The following BLOC1S5 variants were observed in gnomAD, a reference collection of about 807,000 sequenced individuals.
BLOC1S5 encodes biogenesis of lysosome-related organelles complex 1 subunit 5.
A neutral mutation model predicts 24.3 loss-of-function variants in BLOC1S5; 27 were observed. That is an observed-to-expected ratio of 1.11 (90% CI 0.82 to 1.53). The LOEUF (loss-of-function observed/expected upper bound fraction) is 1.53. BLOC1S5 is among the 40% of genes most tolerant of loss of function. The pLI is 0.00. For missense variants in BLOC1S5, 239 were observed against 229.4 expected (o/e 1.04, Z -0.27); for synonymous variants, 84 against 74.5 (o/e 1.13, Z -0.66).
chr6:8,060,594 G>T (rs1290196592), intron 2 of BLOC1S5, among the ~76,000 whole-genome samples: 2 of 152,202 alleles, frequency 1.3e-5, no homozygotes, highest in African/African-American at 2.4e-5. Context: ...GCTGGGTTGG[G>T]ATAGGGGTAG....
chr6:8,051,119 T>C (rs557926525), intron 2 of BLOC1S5, among the ~76,000 whole-genome samples: 9 of 148,034 alleles, frequency 6.1e-5, no homozygotes, highest in Admixed American at 3.4e-4. Flanking sequence ...ACCTGGGAGG[T>C]GGAGGCTGCA....
Position 8,027,324 on chromosome 6 carries a change from T to C in BLOC1S5, c.326-899A>G, listed in dbSNP as rs114937847. The C allele has an allele frequency of 3.5e-3, 1,580 of 456,350 alleles. 20 individuals are homozygous for C. Among genetic ancestry groups the C allele is most frequent in the African/African-American group, 0.027 (1,353 of 50,188 alleles). The allele number at this position is 456,350 out of a possible 1,614,324, so 28.3% of individuals were successfully genotyped here. On this transcript the variant is annotated intron_variant, in intron 3 of 4. Transcript: ENST00000397457. ...CTCGCTCAATTATTCATTTGACAAA[T>C]GTTTACTGAGCATGTGCTTTGTGCC... is the stretch of plus-strand genomic sequence containing the variant.
chr6:8,038,464 C>G (rs1472360802), intron 3 of BLOC1S5, among the ~76,000 whole-genome samples: 2 of 151,970 alleles, frequency 1.3e-5, no homozygotes, highest in East Asian at 1.9e-4. Flanking sequence ...AATAGCATCT[C>G]TAGTTAAAAT....
intron 4 of BLOC1S5, among the ~76,000 whole-genome samples, chr6:8,021,704 T>C (rs1297027475): frequency 6.6e-6 from 1 of 152,176 alleles, no homozygotes; most frequent in Admixed American, 6.5e-5. Context: ...GAAATGTACA[T>C]TTTAAAATGG....
At chr6:8,061,340 C>T (rs888990167) in intron 2 of BLOC1S5, among the ~76,000 whole-genome samples, 2 of 152,066 alleles carry the variant, frequency 1.3e-5, no homozygotes, top group African/African-American at 4.8e-5. Context: ...ATTGTGGGAA[C>T]TTACTGCTTA....
At chr6:8,036,725 G>A (rs1357401820) in intron 3 of BLOC1S5, among the ~76,000 whole-genome samples, 1 of 151,974 alleles carries the variant, frequency 6.6e-6, no homozygotes, top group Non-Finnish European at 1.5e-5. Context: ...AATTAAAAAA[G>A]AGAAAACTAC....
At chr6:8,027,500 T>G (rs779477273) in intron 3 of BLOC1S5, 1 of 451,468 alleles carries the variant, frequency 2.2e-6, no homozygotes, top group African/African-American at 2.0e-5. Flanking sequence ...ATCATTTCAA[T>G]ATTAATAATG....
In BLOC1S5 at chr6:8,064,261, G is replaced by A. The variant is rs200751890; in HGVS notation, c.112+4C>T. 222 of 1,611,362 alleles carry A rather than the reference G, an allele frequency of 1.4e-4. 1 individual carries two copies. In the African/African-American group the frequency reaches 2.6e-3, roughly 19 times the overall value. On this transcript the variant is annotated splice_donor_region_variant and intron_variant, in intron 1 of 4. Coordinates refer to ENST00000397457, the MANE Select transcript of BLOC1S5 (RefSeq NM_201280.3). ...CCAGGAACTATAGCCCTGACACTCC[G>A]TACCCTTGATAATGAGGTGCGCTGA...
rs545031745 is a variant in BLOC1S5, at chr6:8,033,527, A to C, written c.326-7102T>G. Among the ~76,000 whole-genome samples the C allele has an allele frequency of 2.2e-4, 33 of 152,342 alleles. No individual in the cohort carries two copies. In the South Asian group the frequency reaches 6.6e-3, roughly 31 times the overall value. On this transcript the variant is annotated intron_variant, in intron 3 of 4. Transcript: ENST00000397457. ...TTAGACCTAAAACCATAAAAACCCT[A>C]GAAGAAAACCTAGGCAATACCATTC...
chr6:8,016,341 T>G (rs964954006), intron 4 of BLOC1S5, among the ~76,000 whole-genome samples: 3 of 146,886 alleles, frequency 2.0e-5, no homozygotes, highest in Non-Finnish European at 4.5e-5. Context: ...AAAAAAAATT[T>G]TTTTTAAAGC....
chr6:8,026,290 T>G, intron 4 of BLOC1S5, 77 bp downstream of exon 4: 1 of 1,218,430 alleles, frequency 8.2e-7, no homozygotes, highest in Non-Finnish European at 1.2e-6. Flanking sequence ...GAGAATTTTC[T>G]GATCAAAAGC....
chr6:8,030,984 G>A (rs186837667), intron 3 of BLOC1S5, among the ~76,000 whole-genome samples: 62 of 152,108 alleles, frequency 4.1e-4, no homozygotes, highest in Non-Finnish European at 3.5e-4. Context: ...ATACCCTAAG[G>A]TAGTAAAAGC....
At chr6:8,062,260 T>TC (rs1283894158) in intron 2 of BLOC1S5, among the ~76,000 whole-genome samples, 3 of 152,168 alleles carry the variant, frequency 2.0e-5, no homozygotes, top group East Asian at 1.9e-4. Context: ...TCCCTTTTTT[T>TC]CCCCCACTAT....
intron 1 of BLOC1S5, among the ~76,000 whole-genome samples, chr6:8,063,709 A>G (rs143171046): frequency 3.3e-5 from 5 of 152,298 alleles, no homozygotes; most frequent in African/African-American, 9.6e-5. Flanking sequence ...AGTCAAACCT[A>G]AAGCAGATTC....
At chr6:8,040,029 G>A (rs76036397) in intron 3 of BLOC1S5, among the ~76,000 whole-genome samples, 2,935 of 152,272 alleles carry the variant, frequency 0.019, 90 homozygotes, top group African/African-American at 0.066. Context: ...TGAGAAGGAG[G>A]AGCCTGTGTT....
At chr6:8,023,085 A>C (rs1762981295) in intron 4 of BLOC1S5, among the ~76,000 whole-genome samples, 1 of 152,174 alleles carries the variant, frequency 6.6e-6, no homozygotes, top group Non-Finnish European at 1.5e-5. Flanking sequence ...CTAAATTTAA[A>C]TTATTGACAG....
At chr6:8,058,182 C>CT (rs1764380428) in intron 2 of BLOC1S5, among the ~76,000 whole-genome samples, 1 of 151,938 alleles carries the variant, frequency 6.6e-6, no homozygotes, top group African/African-American at 2.4e-5. Flanking sequence ...AACTGCCTTC[C>CT]TTTTTGCTAC....
chr6:8,061,428 C>T (rs1764512772), intron 2 of BLOC1S5, among the ~76,000 whole-genome samples: 1 of 152,140 alleles, frequency 6.6e-6, no homozygotes, highest in African/African-American at 2.4e-5. Flanking sequence ...TTAACTGAAC[C>T]AATTACACAT....
At position 8,030,375 on chromosome 6, in the gene BLOC1S5, GT is replaced by G. The variant is rs565262169; in HGVS notation, c.326-3951del. On this transcript the variant is annotated intron_variant, in intron 3 of 4. Transcript: ENST00000397457. Reference sequence around the variant, plus strand: ...GGGTTTTACCATGTTGGTCAGGCTGGTCTTGAACTCCTGACCTCGTGATCCA... The same window carrying G: ...GGGTTTTACCATGTTGGTCAGGCTGGCTTGAACTCCTGACCTCGTGATCCA... 7.9e-5 allele frequency among the ~76,000 whole-genome samples: 12 copies of G among 151,702 alleles called. No individual in the cohort carries two copies. In the East Asian group the frequency reaches 2.4e-3, roughly 30 times the overall value.
Sources: gnomAD v4.1 joint callset for allele counts (sites outside exome capture counted in the v4.1 genomes callset) on GRCh38, gnomAD v4.1.1 for gene constraint, MANE v1.5 for transcripts, NCBI Gene and HGNC (gene_info 2026-07-23, HGNC 2026-07-21) for gene names.